The following CAMK1G variants were observed in gnomAD, a reference collection of about 807,000 sequenced individuals.
CAMK1G encodes the protein calcium/calmodulin-dependent protein kinase type 1G.
Under a neutral mutation model 54.8 loss-of-function variants are expected in CAMK1G, and 27 were observed. The ratio of observed to expected loss-of-function variants is 0.49; its 90% CI spans 0.36 to 0.68. The LOEUF (loss-of-function observed/expected upper bound fraction) is 0.68, where lower values mean the gene tolerates loss of function less well. Among genes scored for constraint, CAMK1G ranks in the 30% least tolerant of loss-of-function variants. The probability of loss-of-function intolerance (pLI) is 0.00; values close to 1 mark genes in which losing one functional copy is unlikely to be tolerated. For synonymous variants in CAMK1G, 238 were observed against 224.9 expected (o/e 1.06, Z -0.52); for missense variants, 512 against 591.0 (o/e 0.87, Z 1.39).
At chr1:209,593,725 T>C (rs1665312600) in intron 1 of CAMK1G, among the ~76,000 whole-genome samples, 1 of 98,076 alleles carries the variant, frequency 1.0e-5, no homozygotes, top group African/African-American at 3.0e-5. Context: ...TTCACTCCCA[T>C]CTGGCCCGAG....
chr1:209,588,354 A>ATGGATTGGATTGGAT (rs56898431), intron 1 of CAMK1G, among the ~76,000 whole-genome samples: 77 of 147,206 alleles, frequency 5.2e-4, no homozygotes, highest in Non-Finnish European at 1.0e-3. Context: ...GTGGAGCGGA[A>ATGGATTGGATTGGAT]TGGATTGGAT....
intron 1 of CAMK1G, among the ~76,000 whole-genome samples, chr1:209,589,399 C>T (rs556468381): frequency 1.3e-5 from 2 of 152,318 alleles, no homozygotes; most frequent in Admixed American, 1.3e-4. Flanking sequence ...TGCTGCTGTG[C>T]CATGGGCAGA....
intron 7 of CAMK1G, among the ~76,000 whole-genome samples, chr1:209,608,400 C>G (rs60587924): frequency 0.015 from 2,318 of 152,292 alleles, 79 homozygotes; most frequent in African/African-American, 0.053. Flanking sequence ...TCCACACATT[C>G]CCAAGCTCTC....
At chr1:209,604,702 C>G (rs1166384248) in intron 4 of CAMK1G, among the ~76,000 whole-genome samples, 1 of 152,144 alleles carries the variant, frequency 6.6e-6, no homozygotes, top group Non-Finnish European at 1.5e-5. Context: ...AGAAGGCAAG[C>G]CCTCCGGAGA....
chr1:209,592,788 A>C (rs1665290566), intron 1 of CAMK1G, among the ~76,000 whole-genome samples: 1 of 152,124 alleles, frequency 6.6e-6, no homozygotes, highest in South Asian at 2.1e-4. Context: ...CTCTGCCAAG[A>C]GCCTCGCTTG....
rs148282538 is a variant in CAMK1G at position 209,588,790 on chromosome 1, G to T, written c.-30+5018G>T. 4.3e-3 allele frequency among the ~76,000 whole-genome samples: 649 copies of T among 152,308 alleles called. 2 individuals carry two copies. Among genetic ancestry groups the T allele is most frequent in the African/African-American group, 0.015 (612 of 41,566 alleles). On this transcript the variant is annotated intron_variant, in intron 1 of 12. Transcript: ENST00000361322. ...AGGAGGAAGGACAGAGAAGCTCCAT[G>T]GAAGGGGCATCTGCCTCCTGGGCTC... is the stretch of plus-strand genomic sequence containing the variant.
At chr1:209,593,907 C>T (rs912874036) in intron 1 of CAMK1G, among the ~76,000 whole-genome samples, 4 of 152,120 alleles carry the variant, frequency 2.6e-5, no homozygotes, top group Non-Finnish European at 4.4e-5. Context: ...CTTTATTGTC[C>T]GCCCCTGCCT....
In CAMK1G at chr1:209,605,570, G is replaced by A. The variant is rs766150299; in HGVS notation, c.331G>A (p.Glu111Lys). Residue 111 changes from glutamate to lysine, a missense_variant, in exon 5 of 13, where the codon GAG becomes AAG. This residue lies in a region of CAMK1G where 186 missense variants were observed against 231.5 expected (regional missense o/e 0.80). Transcript: ENST00000361322. ...TGGGGAGCTCTTTGACCGGATCCTG[G>A]AGCGGGGTGTCTACACAGAGAAGGA... ...SGGELFDRIL[E>K]RGVYTEKDAS... 1.2e-6 allele frequency: 2 copies of A among 1,614,084 alleles called. No individual in the cohort carries two copies. The highest frequency in any genetic ancestry group is 1.7e-6 in the Non-Finnish European group (2 of 1,179,976).
At chr1:209,589,316 A>G (rs899503520) in intron 1 of CAMK1G, among the ~76,000 whole-genome samples, 5 of 152,176 alleles carry the variant, frequency 3.3e-5, no homozygotes, top group African/African-American at 4.8e-5. Flanking sequence ...CCCAGGCACT[A>G]GTGTCCCTGA....
In CAMK1G at chr1:209,613,243, G is replaced by A. The variant is rs539719880; in HGVS notation, c.*241G>A. The A allele has an allele frequency of 4.2e-5, 10 of 239,434 alleles. No homozygotes were observed. Among genetic ancestry groups the A allele is most frequent in the East Asian group, 1.9e-4 (2 of 10,676 alleles). 14.8% of individuals were successfully genotyped at this position (239,434 alleles called of 1,614,324 possible). On this transcript the variant is annotated 3_prime_UTR_variant, in exon 13 of 13. Coordinates refer to ENST00000361322, the MANE Select transcript of CAMK1G (RefSeq NM_020439.3). Reference sequence around the variant, plus strand: ...TGTTGAAGCTGTGAGCAGGAGAAGCGGTGCCCACCAGCTTCCAGGTCTCCC... The same window carrying A: ...TGTTGAAGCTGTGAGCAGGAGAAGCAGTGCCCACCAGCTTCCAGGTCTCCC...
At position 209,611,991 on chromosome 1, in the gene CAMK1G, A is replaced by C; in HGVS notation, c.1115A>C (p.Gln372Pro). The C allele has an allele frequency of 6.2e-7, 1 of 1,614,184 alleles. No individual in the cohort carries two copies. The highest frequency in any genetic ancestry group is 8.5e-7 in the Non-Finnish European group (1 of 1,180,036). ...AGTGTAGCACTCCCTGCCCTGACCC[A>C]ATTACCCTGCCAGCATGGCCGCCGG... Reference protein sequence around the residue: ...DHSVALPALTQLPCQHGRRPT... With the variant: ...DHSVALPALTPLPCQHGRRPT... Residue 372 changes from glutamine to proline, a missense_variant, in exon 11 of 13, where the codon CAA becomes CCA. Gln to Pro is a moderately conservative substitution (Grantham distance 76). Coordinates refer to ENST00000361322, the MANE Select transcript of CAMK1G (RefSeq NM_020439.3).
At chr1:209,599,779 G>A (rs1010425916) in intron 2 of CAMK1G, among the ~76,000 whole-genome samples, 2 of 152,122 alleles carry the variant, frequency 1.3e-5, no homozygotes, top group African/African-American at 4.8e-5. Flanking sequence ...TTATGACATT[G>A]GCATTTTGGA....
At chr1:209,585,886 C>T (rs1355371564) in intron 1 of CAMK1G, among the ~76,000 whole-genome samples, 1 of 152,250 alleles carries the variant, frequency 6.6e-6, no homozygotes, top group Non-Finnish European at 1.5e-5. Flanking sequence ...AAACAGGCTG[C>T]GTGCCTGGCG....
rs1665571005 is a variant in CAMK1G, at chr1:209,603,264, C to A, written c.272C>A (p.Thr91Asn). 6.2e-7 allele frequency: 1 copy of A among 1,614,062 alleles called. No homozygotes were observed. The highest frequency in any genetic ancestry group is 1.6e-4 in the Middle Eastern group (1 of 6,062). Reference protein sequence around the residue: ...VTLEDIYESTTHYYLVMQLVS... With the variant: ...VTLEDIYESTNHYYLVMQLVS... Reference sequence around the variant, plus strand: ...CTGGAGGACATCTATGAGAGCACCACCCACTACTACCTGGTCATGCAGCTG... The same window carrying A: ...CTGGAGGACATCTATGAGAGCACCAACCACTACTACCTGGTCATGCAGCTG... The change falls in exon 4 of 13, where the codon ACC (threonine) becomes AAC (asparagine). Residue 91 changes from threonine to asparagine, a missense_variant. By Grantham distance (65) the Thr-to-Asn change is moderately conservative. Transcript: ENST00000361322.
At chr1:209,590,117 C>T (rs1208371670) in intron 1 of CAMK1G, among the ~76,000 whole-genome samples, 3 of 152,138 alleles carry the variant, frequency 2.0e-5, no homozygotes, top group South Asian at 2.1e-4. Flanking sequence ...GAGTGAGAGG[C>T]GGGGAGTACT....
chr1:209,600,789 T>C (rs1403332686), intron 3 of CAMK1G, among the ~76,000 whole-genome samples: 2 of 152,236 alleles, frequency 1.3e-5, no homozygotes, highest in Non-Finnish European at 2.9e-5. Flanking sequence ...GTATGAGTTA[T>C]TGGACCACTT....
intron 8 of CAMK1G, 128 bp downstream of exon 8, chr1:209,609,220 A>G: frequency 9.4e-7 from 1 of 1,059,118 alleles, no homozygotes; most frequent in South Asian, 1.5e-5. Flanking sequence ...ACAGGCTGCC[A>G]AGGAAAGTGG....
intron 2 of CAMK1G, 83 bp downstream of exon 2, chr1:209,595,158 T>A: frequency 3.2e-6 from 3 of 952,238 alleles, no homozygotes; most frequent in Admixed American, 3.6e-5. Context: ...TGGCAGCAAT[T>A]GATGAACTGG....
chr1:209,605,279 A>G (rs1665619944), intron 4 of CAMK1G, among the ~76,000 whole-genome samples: 1 of 152,142 alleles, frequency 6.6e-6, no homozygotes, highest in Non-Finnish European at 1.5e-5. Context: ...AACCAGAAGC[A>G]TTTACATTTT....
Sources: allele counts gnomAD v4.1 joint callset (sites outside exome capture counted in the v4.1 genomes callset), GRCh38; gene constraint gnomAD v4.1.1; regional missense constraint gnomAD v4.1.1; transcripts MANE v1.5; gene names NCBI Gene and HGNC (gene_info 2026-07-23, HGNC 2026-07-21).